Variants in DDX18 observed in about 807,000 individuals in gnomAD.
DDX18 encodes the protein DEAD-box helicase 18.
A neutral mutation model predicts 73.5 loss-of-function variants in DDX18; 23 were observed. That is an observed-to-expected ratio of 0.31 (90% confidence interval 0.23 to 0.44). The LOEUF (loss-of-function observed/expected upper bound fraction) is 0.44, where lower values mean the gene tolerates loss of function less well. Among genes scored for constraint, DDX18 ranks in the 20% least tolerant of loss-of-function variants. The probability of loss-of-function intolerance (pLI) is 1.00; values close to 1 mark genes in which losing one functional copy is unlikely to be tolerated. For missense variants in DDX18, 753 were observed against 792.9 expected (o/e 0.95, Z 0.60); for synonymous variants, 268 against 282.7 (o/e 0.95, Z 0.52).
At chr2:117,827,160 T>G (rs1464124375) in intron 11 of DDX18, 1 of 152,118 alleles carries the variant, frequency 6.6e-6, no homozygotes, top group Admixed American at 6.5e-5. Context: ...ATGATAGGCT[T>G]CCTCTACCCT....
chr2:117,814,928 C>T (rs1384221224), intron 1 of DDX18, 66 bp downstream of exon 1: 13 of 1,543,566 alleles, frequency 8.4e-6, no homozygotes, highest in South Asian at 1.1e-5. Context: ...TTCGGGCGGC[C>T]GGGGGCCCAG....
chr2:117,830,128 G>T lies in DDX18; in HGVS notation c.1871-454G>T, dbSNP rs2570215. Among the ~76,000 whole-genome samples, 559 of 152,312 alleles carry T rather than the reference G, an allele frequency of 3.7e-3. 6 individuals carry two copies. Among genetic ancestry groups the T allele is most frequent in the African/African-American group, 0.013 (528 of 41,570 alleles). ...TTTTGGGTCACCATCCCCATTGTCA[G>T]CATTGAGTAAATGTCAGCTGAAATG... On this transcript the variant is annotated intron_variant, in intron 13 of 13. Coordinates refer to ENST00000263239, the MANE Select transcript of DDX18 (RefSeq NM_006773.4).
chr2:117,814,898 C>G, intron 1 of DDX18, 36 bp downstream of exon 1: 1 of 1,611,116 alleles, frequency 6.2e-7, no homozygotes, highest in South Asian at 1.1e-5. Flanking sequence ...TCAGAAGACC[C>G]ACGCGCGAGC....
At chr2:117,821,543 A>T (rs1679846917) in intron 4 of DDX18, 107 bp from the exon 5 acceptor site, 1 of 1,275,194 alleles carries the variant, frequency 7.8e-7, no homozygotes, top group Admixed American at 2.0e-5. Context: ...TCAGCACTGT[A>T]GACGTTTCTT....
chr2:117,819,797 C>A lies in DDX18; in HGVS notation c.514+5C>A. On this transcript the variant is annotated splice_donor_5th_base_variant and intron_variant, in intron 3 of 13. Coordinates refer to ENST00000263239, the MANE Select transcript of DDX18 (RefSeq NM_006773.4). ...GTCTGCCCCTGGGACTGACAGGTAA[C>A]GTCCAGGAAGTTTTCTAGAGGTAAC... 6.4e-7 allele frequency: 1 copy of A among 1,564,006 alleles called. No individual in the cohort carries two copies. Among genetic ancestry groups the A allele is most frequent in the Non-Finnish European group, 8.6e-7 (1 of 1,160,914 alleles).
In DDX18 at chr2:117,824,939, G is replaced by A. The variant is rs1679900387; in HGVS notation, c.1207-1G>A. The A allele has an allele frequency of 1.2e-6, 2 of 1,602,118 alleles. No homozygotes were observed. The highest frequency in any genetic ancestry group is 1.7e-6 in the Non-Finnish European group (2 of 1,176,662). Reference sequence around the variant, plus strand: ...TATCTGTCTGCTTAAACGCTTTCTAGGGATATGTTGTTTGTCCTTCTGAAA... The same window carrying A: ...TATCTGTCTGCTTAAACGCTTTCTAAGGATATGTTGTTTGTCCTTCTGAAA... On this transcript the variant is annotated splice_acceptor_variant, in intron 8 of 13. Coordinates refer to ENST00000263239, the MANE Select transcript of DDX18 (RefSeq NM_006773.4). LOFTEE classifies it high-confidence loss of function.
chr2:117,829,246 G>A, intron 12 of DDX18, 43 bp from the exon 13 acceptor site: 2 of 1,542,084 alleles, frequency 1.3e-6, no homozygotes, highest in African/African-American at 1.4e-5. Context: ...GGAGGTTTTT[G>A]TTTGTTTTTG....
rs570976573 is a variant in DDX18 at position 117,821,180 on chromosome 2, G to A, written c.534G>A (p.Ser178=). The change falls in exon 4 of 14, where the codon TCG becomes TCA. Residue 178 remains serine, a synonymous_variant. Coordinates refer to ENST00000263239, the MANE Select transcript of DDX18 (RefSeq NM_006773.4). Reference sequence around the variant, plus strand: ...GTTTAGGAGCTTTTGAGGATACTTCGTTTGCTTCTCTATGTAATCTTGTCA... The same window carrying A: ...GTTTAGGAGCTTTTGAGGATACTTCATTTGCTTCTCTATGTAATCTTGTCA... The part of the protein sequence containing the change: ...LGLTGAFEDT[S]FASLCNLVNE... 2.2e-4 allele frequency: 344 copies of A among 1,589,482 alleles called. 1 individual carries two copies. In the South Asian group the frequency reaches 2.8e-3, roughly 13 times the overall value.
intron 10 of DDX18, 23 bp from the exon 11 acceptor site, chr2:117,826,246 C>G (rs750616210): frequency 2.6e-5 from 42 of 1,605,498 alleles, no homozygotes; most frequent in Non-Finnish European, 9.4e-6. Context: ...TGCGTTAACT[C>G]AGATTTTCTT....
In DDX18 at chr2:117,825,570, G is replaced by A. The variant is rs1382221562; in HGVS notation, c.1492G>A (p.Val498Ile). 1 of 1,614,168 alleles carries A rather than the reference G, an allele frequency of 6.2e-7. No homozygotes were observed. Among genetic ancestry groups the A allele is most frequent in the Non-Finnish European group, 8.5e-7 (1 of 1,180,020 alleles). Residue 498 changes from valine (V) to isoleucine (I), a missense_variant, in exon 10 of 14, where the codon GTT (valine) becomes ATT (isoleucine). By Grantham distance (29) the Val-to-Ile change is conservative (BLOSUM62 3). Transcript: ENST00000263239. ...AGACATTCCTGAAGTCGACTGGATT[G>A]TTCAGTATGACCCTCCGGATGACCC... ...GLDIPEVDWIVQYDPPDDPKE... is the reference protein window; with the variant it reads ...GLDIPEVDWIIQYDPPDDPKE...
rs1680035035 is a variant in DDX18, at chr2:117,832,035, C to G, written c.*1311C>G. On this transcript the variant is annotated 3_prime_UTR_variant, in exon 14 of 14. Coordinates refer to ENST00000263239, the MANE Select transcript of DDX18 (RefSeq NM_006773.4). The stretch of plus-strand genomic sequence containing the variant: ...ATTTCTGGGCTTGGCCACCATCACC[C>G]TGGTCGGACCTGTCCTGGACTTCCA... 6.6e-6 allele frequency: 1 copy of G among 152,370 alleles called. No homozygotes were observed. Among genetic ancestry groups the G allele is most frequent in the African/African-American group, 2.4e-5 (1 of 41,460 alleles). The allele number at this position is 152,370 out of a possible 1,614,324, so 9.4% of individuals were successfully genotyped here. A position where few individuals can be genotyped will look rare whatever the true frequency, so the allele number is the denominator to read the frequency against.
At chr2:117,824,900 A>G (rs755781018) in intron 8 of DDX18, 40 bp from the exon 9 acceptor site, 3 of 1,562,032 alleles carry the variant, frequency 1.9e-6, no homozygotes, top group Admixed American at 3.9e-5. Context: ...GAAAATGTCC[A>G]CTTGGTTCAT....
intron 4 of DDX18, 122 bp from the exon 5 acceptor site, chr2:117,821,528 C>G (rs1291379938): frequency 1.7e-6 from 2 of 1,176,608 alleles, no homozygotes; most frequent in Non-Finnish European, 1.2e-6. Flanking sequence ...CCCAGGTGAT[C>G]AATTTCAGCA....
In DDX18 at chr2:117,819,656, A is replaced by C; in HGVS notation, c.378A>C (p.Lys126Asn). ...TGTCTTTTAAAACCAAAGATACGAA[A>C]AAAGCAAAAACTGAAAACAAAGGGA... ...KMVNDAEPDT[K>N]KAKTENKGKS... Residue 126 changes from lysine (K) to asparagine (N), a missense_variant, in exon 3 of 14, where the codon AAA becomes AAC. By Grantham distance (94) the Lys-to-Asn change is moderately conservative (BLOSUM62 0). This residue lies in a region of DDX18 where 345 missense variants were observed against 352.0 expected (regional missense o/e 0.98). Coordinates refer to ENST00000263239, the MANE Select transcript of DDX18 (RefSeq NM_006773.4). The C allele has an allele frequency of 6.3e-7, 1 of 1,578,120 alleles. No individual in the cohort carries two copies. Among genetic ancestry groups the C allele is most frequent in the Non-Finnish European group, 8.6e-7 (1 of 1,169,322 alleles).
At position 117,828,958 on chromosome 2, in the gene DDX18, A is replaced by G; in HGVS notation, c.1645A>G (p.Ser549Gly). The change falls in exon 12 of 14, where the codon AGT (serine) becomes GGT (glycine). Residue 549 changes from serine to glycine, a missense_variant. Around this residue, in one of 3 missense-constraint regions of DDX18, gnomAD observed 402 missense variants for 419.4 expected, o/e 0.96. Transcript: ENST00000263239. ...TACTTTTGATTTCTAGGTTCCATTA[A>G]GTGAATTTGACTTTTCCTGGTCTAA... ...RYLKQSKVPL[S>G]EFDFSWSKIS... 6.2e-7 allele frequency: 1 copy of G among 1,609,022 alleles called. No individual in the cohort carries two copies. The highest frequency in any genetic ancestry group is 8.5e-7 in the Non-Finnish European group (1 of 1,175,622).
At chr2:117,825,165 A>C (rs116239647) in intron 9 of DDX18, 64 bp downstream of exon 9, 42,495 of 1,533,574 alleles carry the variant, frequency 0.028, 717 homozygotes, top group Middle Eastern at 0.066. Flanking sequence ...AGATTGTAGG[A>C]TTGGAGGTAT....
chr2:117,819,565 A>G (rs1679810963), intron 2 of DDX18, 84 bp from the exon 3 acceptor site: 3 of 1,213,472 alleles, frequency 2.5e-6, no homozygotes, highest in Non-Finnish European at 1.1e-6. Context: ...ACGTCTTTAT[A>G]TCAGAGATCT....
intron 3 of DDX18, among the ~76,000 whole-genome samples, chr2:117,820,866 A>C (rs1010415748): frequency 1.3e-5 from 2 of 151,874 alleles, no homozygotes; most frequent in Non-Finnish European, 2.9e-5. Context: ...CTGGACTCTC[A>C]TTATTTTCCT....
intron 2 of DDX18, among the ~76,000 whole-genome samples, chr2:117,818,909 G>A (rs1044782102): frequency 6.6e-6 from 1 of 152,210 alleles, no homozygotes; most frequent in South Asian, 2.1e-4. Flanking sequence ...TTTTGAACAT[G>A]TAGGTCCTAC....
Sources: allele counts gnomAD v4.1 joint callset (sites outside exome capture counted in the v4.1 genomes callset), GRCh38; gene constraint gnomAD v4.1.1; regional missense constraint gnomAD v4.1.1; transcripts MANE v1.5; gene names NCBI Gene and HGNC (gene_info 2026-07-23, HGNC 2026-07-21).